DLG2: variants seen among roughly 807,000 people sequenced by gnomAD.
The protein encoded by DLG2 is discs large MAGUK scaffold protein 2, also known as disks large homolog 2.
In DLG2, 45 loss-of-function variants were observed where a neutral mutation model predicts 132.5. The ratio of observed to expected loss-of-function variants is 0.34; its 90% CI spans 0.27 to 0.44. DLG2 has a LOEUF of 0.44. DLG2 is among the 20% of genes least tolerant of loss of function. The pLI, the probability that DLG2 is intolerant of heterozygous loss-of-function variation, is 1.00. For synonymous variants in DLG2, 424 were observed against 419.6 expected (o/e 1.01, Z -0.13); for missense variants, 1,045 against 1,196.9 (o/e 0.87, Z 1.87).
chr11:83,677,995 AC>A (rs2078070281), intron 18 of DLG2, among the ~76,000 whole-genome samples: 1 of 152,224 alleles, frequency 6.6e-6, no homozygotes, highest in Admixed American at 6.5e-5. Context: ...TCTAAGTGTT[AC>A]AATTGCAATT....
At chr11:84,685,224 C>T (rs1406604659) in intron 6 of DLG2, among the ~76,000 whole-genome samples, 1 of 152,172 alleles carries the variant, frequency 6.6e-6, no homozygotes, top group East Asian at 1.9e-4. Context: ...TTAGGAGCTC[C>T]AATATCCTGT....
intron 6 of DLG2, among the ~76,000 whole-genome samples, chr11:84,859,519 A>G (rs1432135237): frequency 1.3e-5 from 2 of 149,458 alleles, no homozygotes; most frequent in African/African-American, 4.9e-5. Flanking sequence ...TTATATTGAA[A>G]AAGTCAAAAT....
intron 17 of DLG2, among the ~76,000 whole-genome samples, chr11:83,799,604 T>C (rs979663573): frequency 2.2e-4 from 33 of 152,202 alleles, no homozygotes; most frequent in Non-Finnish European, 1.5e-5. Flanking sequence ...AAACAGAGTT[T>C]AAATAATATT....
intron 4 of DLG2, among the ~76,000 whole-genome samples, chr11:85,252,593 T>C (rs997135009): frequency 6.6e-6 from 1 of 151,746 alleles, no homozygotes; most frequent in African/African-American, 2.4e-5. Context: ...CTCAAAAAAA[T>C]AAAAAATAAA....
intron 6 of DLG2, among the ~76,000 whole-genome samples, chr11:84,638,089 T>C (rs1015663670): frequency 6.6e-6 from 1 of 152,258 alleles, no homozygotes; most frequent in African/African-American, 2.4e-5. Context: ...TTCCAACCTC[T>C]ACTTTCATTT....
chr11:83,926,128 T>C lies in DLG2; in HGVS notation c.1496+4200A>G, dbSNP rs2078932103. Among the ~76,000 whole-genome samples, 3 of 152,312 alleles carry C rather than the reference T, an allele frequency of 2.0e-5. No individual in the cohort carries two copies. The South Asian group carries it at 6.2e-4, about 32-fold the overall frequency. On this transcript the variant is annotated intron_variant, in intron 15 of 27. Coordinates refer to ENST00000376104, the MANE Select transcript of DLG2 (RefSeq NM_001142699.3). Reference sequence around the variant, plus strand: ...TTCTCTGTTTTCTTTTAAACGGTCTTACAGAAGTAAATTGTGTGTACAATT... The same window carrying C: ...TTCTCTGTTTTCTTTTAAACGGTCTCACAGAAGTAAATTGTGTGTACAATT...
intron 17 of DLG2, among the ~76,000 whole-genome samples, chr11:83,806,324 A>G (rs1020132980): frequency 5.3e-5 from 8 of 152,174 alleles, no homozygotes; most frequent in Admixed American, 2.0e-4. Flanking sequence ...AACTGTGAAC[A>G]TCTTTCTATC....
At chr11:85,145,381 GTC>G (rs2076773076) in intron 5 of DLG2, among the ~76,000 whole-genome samples, 1 of 152,076 alleles carries the variant, frequency 6.6e-6, no homozygotes, top group South Asian at 2.1e-4. Context: ...GTTTGGAAAT[GTC>G]TCTGTTATTA....
chr11:83,645,347 T>G (rs2153497616), intron 18 of DLG2, among the ~76,000 whole-genome samples: 1 of 152,248 alleles, frequency 6.6e-6, no homozygotes, highest in East Asian at 1.9e-4. Context: ...GATACATCTT[T>G]AACAGTTGAA....
rs115996848 is a variant in DLG2 at position 85,267,204 on chromosome 11, C to T, written c.186+18016G>A. ...AAAGACATGAGAGGACTTACTTTCT[C>T]CCGCTCTGTTCTCTGCTATGTGAAG... is the stretch of plus-strand genomic sequence containing the variant. On this transcript the variant is annotated intron_variant, in intron 4 of 27. Coordinates refer to ENST00000376104, the MANE Select transcript of DLG2 (RefSeq NM_001142699.3). 8.5e-3 allele frequency among the ~76,000 whole-genome samples: 1,296 copies of T among 152,300 alleles called. 16 individuals are homozygous for T. The highest frequency in any genetic ancestry group is 0.017 in the Admixed American group (265 of 15,298).
At chr11:84,421,670 T>C (rs1237415809) in intron 7 of DLG2, among the ~76,000 whole-genome samples, 2 of 152,172 alleles carry the variant, frequency 1.3e-5, no homozygotes, top group African/African-American at 4.8e-5. Flanking sequence ...CTCCATCAAA[T>C]AATTCGTACT....
intron 6 of DLG2, 31 bp downstream of exon 6, chr11:85,111,628 TCA>T (rs757822482): frequency 6.7e-7 from 1 of 1,500,028 alleles, no homozygotes; most frequent in South Asian, 1.3e-5. Flanking sequence ...CATTTATCCT[TCA>T]ATCTGCTAAT....
chr11:85,052,274 C>A (rs931214696), intron 6 of DLG2, among the ~76,000 whole-genome samples: 3 of 152,144 alleles, frequency 2.0e-5, no homozygotes, highest in African/African-American at 7.2e-5. Context: ...AGTTCATAGT[C>A]TATTTCTAAA....
chr11:84,673,263 G>A (rs1035889116), intron 6 of DLG2, among the ~76,000 whole-genome samples: 8 of 152,080 alleles, frequency 5.3e-5, no homozygotes, highest in Non-Finnish European at 7.4e-5. Flanking sequence ...TTTTACATAA[G>A]AGAGAAATAA....
intron 6 of DLG2, among the ~76,000 whole-genome samples, chr11:85,027,458 G>C (rs571187658): frequency 6.6e-6 from 1 of 152,080 alleles, no homozygotes; most frequent in Non-Finnish European, 1.5e-5. Context: ...AGTATTGCTC[G>C]CGCCCACAGG....
At chr11:83,636,492 T>C (rs931262121) in intron 18 of DLG2, among the ~76,000 whole-genome samples, 2 of 152,206 alleles carry the variant, frequency 1.3e-5, no homozygotes, top group African/African-American at 4.8e-5. Flanking sequence ...CCCCTAGTGC[T>C]ACTTTTTTCA....
At chr11:84,667,873 C>G (rs572503716) in intron 6 of DLG2, among the ~76,000 whole-genome samples, 8 of 152,074 alleles carry the variant, frequency 5.3e-5, no homozygotes, top group Non-Finnish European at 8.8e-5. Flanking sequence ...AAAGTTAACT[C>G]TGGTGGACAG....
At chr11:84,168,792 C>G (rs1036437418) in intron 8 of DLG2, among the ~76,000 whole-genome samples, 1 of 150,232 alleles carries the variant, frequency 6.7e-6, no homozygotes, top group Non-Finnish European at 1.5e-5. Context: ...ACACCACCAT[C>G]AAATGCCACA....
In DLG2 at chr11:84,978,892, G is replaced by A. The variant is rs577109735; in HGVS notation, c.357+132769C>T. 3.8e-3 allele frequency among the ~76,000 whole-genome samples: 575 copies of A among 151,954 alleles called. 2 individuals are homozygous for A. The highest frequency in any genetic ancestry group is 5.8e-3 in the Non-Finnish European group (393 of 67,938). The stretch of plus-strand genomic sequence containing the variant: ...GTGAACAGGCAACCTACAGAATGGG[G>A]GAAAATTTTTGCAATCTACTCATCT... On this transcript the variant is annotated intron_variant, in intron 6 of 27. Transcript: ENST00000376104.
Sources: gnomAD v4.1 joint callset for allele counts (sites outside exome capture counted in the v4.1 genomes callset) on GRCh38, gnomAD v4.1.1 for gene constraint, MANE v1.5 for transcripts, NCBI Gene and HGNC (gene_info 2026-07-23, HGNC 2026-07-21) for gene names.